C2orf42: variants seen among roughly 807,000 people sequenced by gnomAD.
C2orf42 encodes uncharacterized protein C2orf42.
C2orf42 carries 44 observed loss-of-function variants against 58.9 expected under a neutral mutation model. That is an observed-to-expected ratio of 0.75 (90% CI 0.59 to 0.96). The LOEUF (loss-of-function observed/expected upper bound fraction) is 0.96, where lower values mean the gene tolerates loss of function less well. C2orf42 is among the 40% of genes least tolerant of loss of function. The pLI, the probability that C2orf42 is intolerant of heterozygous loss-of-function variation, is 0.00. For synonymous variants in C2orf42, 239 were observed against 265.4 expected, an observed-to-expected ratio of 0.90 and a Z score of 0.97; for missense variants, 630 against 699.2, an observed-to-expected ratio of 0.90 and a Z score of 1.12.
At chr2:70,165,010 A>G (rs1297853169) in intron 8 of C2orf42, 82 bp downstream of exon 8, 2 of 613,466 alleles carry the variant, frequency 3.3e-6, no homozygotes, top group Non-Finnish European at 5.7e-6. Context: ...TAACTCAAGG[A>G]ACCAGTGCAA....
Position 70,160,729 on chromosome 2 carries a change from A to C in C2orf42, c.1412T>G (p.Phe471Cys). ...TTCTACTTCCACTTTAGGGCATTTA[A>C]ATAGCTCATAAGTCCCATCTCGGTT... ...IQNRDGTYEL[F>C]KCPKVEVESI... Residue 471 changes from phenylalanine to cysteine, a missense_variant, in exon 9 of 10, where the codon TTT becomes TGT. Transcript: ENST00000264434. The C allele has an allele frequency of 6.2e-7, 1 of 1,612,306 alleles. No individual in the cohort carries two copies. Among genetic ancestry groups the C allele is most frequent in the Non-Finnish European group, 8.5e-7 (1 of 1,179,082 alleles).
chr2:70,188,876 A>T (rs1675130546), intron 1 of C2orf42, among the ~76,000 whole-genome samples: 1 of 152,214 alleles, frequency 6.6e-6, no homozygotes, highest in South Asian at 2.1e-4. Context: ...TGGAATCAGT[A>T]TATTTTGATT....
At chr2:70,183,299 A>G (rs1674697387) in intron 1 of C2orf42, among the ~76,000 whole-genome samples, 1 of 152,078 alleles carries the variant, frequency 6.6e-6, no homozygotes, top group South Asian at 2.1e-4. Context: ...TTAGCTGGGC[A>G]TGGTGGTGTG....
At chr2:70,187,873 T>C (rs1455395557) in intron 1 of C2orf42, among the ~76,000 whole-genome samples, 1 of 151,910 alleles carries the variant, frequency 6.6e-6, no homozygotes, top group Non-Finnish European at 1.5e-5. Flanking sequence ...GTATTTTTAG[T>C]AGAGACGGGG....
At chr2:70,176,828 G>A (rs1674225219) in intron 4 of C2orf42, among the ~76,000 whole-genome samples, 1 of 152,088 alleles carries the variant, frequency 6.6e-6, no homozygotes, top group South Asian at 2.1e-4. Flanking sequence ...ATATTCTATG[G>A]TAAAGTGGCT....
chr2:70,166,877 C>T (rs946667184), intron 6 of C2orf42, among the ~76,000 whole-genome samples: 2 of 152,082 alleles, frequency 1.3e-5, no homozygotes, highest in Non-Finnish European at 2.9e-5. Flanking sequence ...TGCTCGCTAT[C>T]CCCAGGTTCT....
At chr2:70,152,678 C>G (rs1479785150) in intron 9 of C2orf42, among the ~76,000 whole-genome samples, 1 of 152,184 alleles carries the variant, frequency 6.6e-6, no homozygotes, top group African/African-American at 2.4e-5. Context: ...CACCCCTCCC[C>G]ACTCATGTAC....
chr2:70,154,326 G>C (rs938389377), intron 9 of C2orf42, among the ~76,000 whole-genome samples: 7 of 147,242 alleles, frequency 4.8e-5, no homozygotes, highest in Admixed American at 2.1e-4. Context: ...ACTTTGAGAG[G>C]ATCAGGGTGG....
At chr2:70,186,653 C>G (rs1421113457) in intron 1 of C2orf42, among the ~76,000 whole-genome samples, 1 of 152,100 alleles carries the variant, frequency 6.6e-6, no homozygotes, top group Non-Finnish European at 1.5e-5. Context: ...CACATGCACA[C>G]GTATGTTTAT....
At chr2:70,168,401 C>A (rs188172236) in intron 6 of C2orf42, among the ~76,000 whole-genome samples, 1,796 of 150,584 alleles carry the variant, frequency 0.012, 31 homozygotes, top group African/African-American at 0.04. Flanking sequence ...CATTCTCCTG[C>A]CTCAGCCTCC....
chr2:70,173,409 G>C (rs976967835), intron 5 of C2orf42, among the ~76,000 whole-genome samples: 1 of 151,464 alleles, frequency 6.6e-6, no homozygotes, highest in Non-Finnish European at 1.5e-5. Flanking sequence ...AAGTAGCTGG[G>C]ATTACAGGCA....
In C2orf42 at chr2:70,181,657, A is replaced by G; in HGVS notation, c.329T>C (p.Leu110Pro). ...GGGGACATAACACCGTCCAGAGCTC[A>G]GCTGAGTGATGATCGTCCCATCCAC... ...QTVDGTIITQLSSGRCYVPSC... is the reference protein window; with the variant it reads ...QTVDGTIITQPSSGRCYVPSC... The change falls in exon 3 of 10, where the codon CTG becomes CCG. Residue 110 changes from leucine to proline, a missense_variant. Leu to Pro is a moderately conservative substitution (Grantham distance 98). Coordinates refer to ENST00000264434, the MANE Select transcript of C2orf42 (RefSeq NM_017880.3). 1.2e-6 allele frequency: 2 copies of G among 1,614,170 alleles called. No homozygotes were observed. Among genetic ancestry groups the G allele is most frequent in the Non-Finnish European group, 1.7e-6 (2 of 1,180,028 alleles).
chr2:70,152,128 A>G (rs370398290), intron 9 of C2orf42, among the ~76,000 whole-genome samples: 2 of 152,142 alleles, frequency 1.3e-5, no homozygotes, highest in African/African-American at 4.8e-5. Context: ...TTTAGCCTAA[A>G]TAGTCACCCC....
At chr2:70,174,165 G>A (rs548718582) in intron 5 of C2orf42, among the ~76,000 whole-genome samples, 6 of 152,024 alleles carry the variant, frequency 3.9e-5, no homozygotes, top group African/African-American at 1.2e-4. Context: ...AAAATTAGCC[G>A]GGCATGGTGG....
intron 5 of C2orf42, among the ~76,000 whole-genome samples, chr2:70,169,908 G>A (rs1270020365): frequency 2.0e-5 from 3 of 151,036 alleles, no homozygotes; most frequent in Admixed American, 1.3e-4. Flanking sequence ...ACAGGCACCC[G>A]CCACCACACC....
rs377450570 is a variant in C2orf42 at position 70,169,665 on chromosome 2, G to C, written c.1040-4C>G. 30 of 1,514,282 alleles carry C rather than the reference G, an allele frequency of 2.0e-5. No homozygotes were observed. The highest frequency in any genetic ancestry group is 3.4e-4 in the Middle Eastern group (2 of 5,880). The allele number at this position is 1,514,282 out of a possible 1,614,324, so 93.8% of individuals were successfully genotyped here. A position where few individuals can be genotyped will look rare whatever the true frequency, so the allele number is the denominator to read the frequency against. ...TCATCTAACAGCTGACCACAGGCTA[G>C]GGAAAAAAAAACCACACATACACAC... On this transcript the variant is annotated splice_polypyrimidine_tract_variant and splice_region_variant and intron_variant, in intron 5 of 9. Transcript: ENST00000264434.
At chr2:70,174,483 C>G (rs984688600) in intron 5 of C2orf42, among the ~76,000 whole-genome samples, 1 of 152,066 alleles carries the variant, frequency 6.6e-6, no homozygotes, top group East Asian at 1.9e-4. Flanking sequence ...TGGTTACAAT[C>G]TAGTGACCTT....
chr2:70,162,072 C>T (rs1371534177), intron 8 of C2orf42, among the ~76,000 whole-genome samples: 1 of 151,580 alleles, frequency 6.6e-6, no homozygotes, highest in Non-Finnish European at 1.5e-5. Flanking sequence ...AATGCAGTGG[C>T]ACGATCTCAG....
In C2orf42 at chr2:70,161,926, C is replaced by T. The variant is rs557480907; in HGVS notation, c.1354-1139G>A. 4.6e-5 allele frequency among the ~76,000 whole-genome samples: 7 copies of T among 152,040 alleles called. 1 individual carries two copies. The South Asian group carries it at 1.5e-3, about 32-fold the overall frequency. ...GCACAATCATGGCTCACTGTAGCCT[C>T]CAACTCCCAGGCTCAAGTGATCCTC... is the stretch of plus-strand genomic sequence containing the variant. On this transcript the variant is annotated intron_variant, in intron 8 of 9. Coordinates refer to ENST00000264434, the MANE Select transcript of C2orf42 (RefSeq NM_017880.3).
Sources: allele counts gnomAD v4.1 joint callset (sites outside exome capture counted in the v4.1 genomes callset), GRCh38; gene constraint gnomAD v4.1.1; transcripts MANE v1.5; gene names NCBI Gene and HGNC (gene_info 2026-07-23, HGNC 2026-07-21).